Variants in COL22A1 observed in about 807,000 individuals in gnomAD.
COL22A1 encodes the protein collagen alpha-1(XXII) chain.
A neutral mutation model predicts 248.9 loss-of-function variants in COL22A1; 221 were observed. That is an observed-to-expected ratio of 0.89 (90% CI 0.80 to 0.99). COL22A1 has a LOEUF of 0.99. Among genes scored for constraint, COL22A1 ranks in the 50% least tolerant of loss-of-function variants. COL22A1 has a pLI of 0.00. For missense variants in COL22A1, 2,240 were observed against 2,179.0 expected, an observed-to-expected ratio of 1.03 and a Z score of -0.56; for synonymous variants, 891 against 793.4, an observed-to-expected ratio of 1.12 and a Z score of -2.07.
chr8:138,784,518 T>C (rs942892671), intron 12 of COL22A1, among the ~76,000 whole-genome samples: 1 of 152,152 alleles, frequency 6.6e-6, no homozygotes, highest in African/African-American at 2.4e-5. Flanking sequence ...GAATTTAAAT[T>C]TTAAAATCTG....
chr8:138,670,820 G>A (rs1398838644), intron 41 of COL22A1, among the ~76,000 whole-genome samples: 2 of 151,906 alleles, frequency 1.3e-5, no homozygotes, highest in Admixed American at 6.6e-5. Context: ...AATTAGCCAG[G>A]CATGGTGGCT....
intron 16 of COL22A1, among the ~76,000 whole-genome samples, chr8:138,767,004 G>A (rs576404761): frequency 6.6e-6 from 1 of 152,344 alleles, no homozygotes; most frequent in East Asian, 1.9e-4. Context: ...GACATGGGTG[G>A]TGGTTAACCG....
chr8:138,700,828 A>G (rs1827899619), intron 31 of COL22A1, among the ~76,000 whole-genome samples: 1 of 152,074 alleles, frequency 6.6e-6, no homozygotes, highest in African/African-American at 2.4e-5. Flanking sequence ...ACTAAAAAAT[A>G]CAAAAAATTA....
At chr8:138,676,474 A>AAAGAAAGGAAGGAAGGAAGAAAG in intron 41 of COL22A1, 84 bp downstream of exon 41, 1 of 645,504 alleles carries the variant, frequency 1.5e-6, no homozygotes, top group South Asian at 2.3e-5. Flanking sequence ...AGAAAGAAAG[A>AAAGAAAGGAAGGAAGGAAGAAAG]AAAGAGTGTT....
intron 10 of COL22A1, among the ~76,000 whole-genome samples, chr8:138,805,150 T>C (rs1319360269): frequency 7.2e-6 from 1 of 137,972 alleles, no homozygotes; most frequent in Non-Finnish European, 1.5e-5. Context: ...TGTGTGCATA[T>C]GGGTATGTGC....
At chr8:138,908,701 G>A (rs770143406) in intron 1 of COL22A1, among the ~76,000 whole-genome samples, 2 of 152,082 alleles carry the variant, frequency 1.3e-5, no homozygotes, top group African/African-American at 2.4e-5. Flanking sequence ...CATACCGCCT[G>A]GCACCAATTG....
chr8:138,649,766 CA>C lies in COL22A1; in HGVS notation c.3345del (p.Asn1115LysfsTer49). On this transcript the variant is annotated frameshift_variant, in exon 46 of 65. Coordinates refer to ENST00000303045, the MANE Select transcript of COL22A1 (RefSeq NM_152888.3). LOFTEE classifies it high-confidence loss of function. Reference protein sequence around the residue: ...DINLLAKDVCNDCPPGPPGLP... With the variant: ...DINLLAKDVCXDCPPGPPGLP... ...AGGCCTGGGGGGCCAGGAGGGCAGT[CA>C]TTGCACACATCCTGAGAGTGGGGAG... is the stretch of plus-strand genomic sequence containing the variant. 1.9e-6 allele frequency: 3 copies of C among 1,592,492 alleles called. No homozygotes were observed. The highest frequency in any genetic ancestry group is 2.6e-6 in the Non-Finnish European group (3 of 1,170,388).
chr8:138,753,604 T>C lies in COL22A1; in HGVS notation c.2031+1553A>G, dbSNP rs552023803. Among the ~76,000 whole-genome samples, 37 of 152,352 alleles carry C rather than the reference T, an allele frequency of 2.4e-4. 1 individual carries two copies. Among genetic ancestry groups the C allele is most frequent in the African/African-American group, 6.3e-4 (26 of 41,580 alleles). ...GGATTCCAATTCATCATCTAGAAAT[T>C]GCAAATGTTTGCTTGCAGTTATTTC... On this transcript the variant is annotated intron_variant, in intron 21 of 64. Coordinates refer to ENST00000303045, the MANE Select transcript of COL22A1 (RefSeq NM_152888.3).
intron 51 of COL22A1, among the ~76,000 whole-genome samples, chr8:138,625,002 C>T (rs886797019): frequency 2.0e-5 from 3 of 152,174 alleles, no homozygotes; most frequent in Non-Finnish European, 4.4e-5. Flanking sequence ...TGATTAATTA[C>T]CAGGCATGCT....
At chr8:138,630,513 A>G (rs1370379389) in intron 50 of COL22A1, among the ~76,000 whole-genome samples, 182 bp downstream of exon 50, 1 of 152,202 alleles carries the variant, frequency 6.6e-6, no homozygotes, top group Non-Finnish European at 1.5e-5. Context: ...AGCAAAGTAA[A>G]CAGGGGTCCA....
At chr8:138,639,839 C>A (rs144080719) in intron 47 of COL22A1, among the ~76,000 whole-genome samples, 53 of 152,328 alleles carry the variant, frequency 3.5e-4, no homozygotes, top group African/African-American at 1.2e-3. Context: ...AGAAGCCCAA[C>A]TTCAGCAGAT....
At chr8:138,728,754 C>G (rs1460338475) in intron 23 of COL22A1, among the ~76,000 whole-genome samples, 1 of 152,076 alleles carries the variant, frequency 6.6e-6, no homozygotes, top group East Asian at 1.9e-4. Flanking sequence ...GCCATCATCT[C>G]TGGCTGCTGC....
intron 32 of COL22A1, among the ~76,000 whole-genome samples, chr8:138,698,309 G>A (rs947456591): frequency 2.6e-5 from 4 of 152,276 alleles, no homozygotes; most frequent in Middle Eastern, 3.4e-3. Context: ...CATCCAGTGC[G>A]CTATGGCTGA....
intron 30 of COL22A1, among the ~76,000 whole-genome samples, chr8:138,704,810 G>A (rs1248468668): frequency 1.3e-5 from 2 of 152,158 alleles, no homozygotes; most frequent in Non-Finnish European, 2.9e-5. Flanking sequence ...GGCTTCAGAC[G>A]ATCGGTAATA....
chr8:138,644,490 C>T (rs1279475272), intron 47 of COL22A1, among the ~76,000 whole-genome samples: 1 of 151,530 alleles, frequency 6.6e-6, no homozygotes, highest in Non-Finnish European at 1.5e-5. Context: ...TGTACAGACC[C>T]CCTCTTGGCC....
At chr8:138,695,009 C>G (rs959242687) in intron 32 of COL22A1, 130 bp from the exon 33 acceptor site, 15 of 766,564 alleles carry the variant, frequency 2.0e-5, no homozygotes, top group Non-Finnish European at 3.0e-5. Flanking sequence ...TCCCCACCCC[C>G]AAAGGCTGTT....
chr8:138,751,220 A>G (rs1015843190), intron 22 of COL22A1, among the ~76,000 whole-genome samples: 1 of 152,190 alleles, frequency 6.6e-6, no homozygotes, highest in Non-Finnish European at 1.5e-5. Context: ...ATGTCTCTCT[A>G]TATATGACTC....
chr8:138,806,158 G>GTGATGGTGTGTT (rs1817693157), intron 10 of COL22A1, among the ~76,000 whole-genome samples: 1 of 126,312 alleles, frequency 7.9e-6, no homozygotes, highest in African/African-American at 3.8e-5. Context: ...GTGATGGTGT[G>GTGATGGTGTGTT]TGTGTGTGAT....
At chr8:138,823,421 TTTC>T (rs367893314) in intron 6 of COL22A1, among the ~76,000 whole-genome samples, 4 of 152,262 alleles carry the variant, frequency 2.6e-5, no homozygotes, top group Non-Finnish European at 1.5e-5. Context: ...TATTGGCTTT[TTTC>T]TTTTTTCTTT....
Sources: allele counts gnomAD v4.1 joint callset (sites outside exome capture counted in the v4.1 genomes callset), GRCh38; gene constraint gnomAD v4.1.1; transcripts MANE v1.5; gene names NCBI Gene and HGNC (gene_info 2026-07-23, HGNC 2026-07-21).